The following EPS8 variants were observed in gnomAD, a reference collection of about 807,000 sequenced individuals.
EPS8 encodes the protein epidermal growth factor receptor kinase substrate 8.
EPS8 carries 42 observed loss-of-function variants against 103.8 expected under a neutral mutation model. That is an observed-to-expected ratio of 0.40 (90% CI 0.32 to 0.52). The LOEUF (loss-of-function observed/expected upper bound fraction) is 0.52, where lower values mean the gene tolerates loss of function less well. Among genes scored for constraint, EPS8 ranks in the 20% least tolerant of loss-of-function variants. EPS8 has a pLI of 0.40. For synonymous variants in EPS8, 344 were observed against 344.6 expected, an observed-to-expected ratio of 1.00 and a Z score of 0.02; for missense variants, 969 against 1,005.1, an observed-to-expected ratio of 0.96 and a Z score of 0.49.
rs367804223 is a variant in EPS8 at position 15,707,203 on chromosome 12, T to C, written c.-21-24231A>G. On this transcript the variant is annotated intron_variant, in intron 1 of 20. Transcript: ENST00000281172. ...TTTTCTTCATGGTATGTATTTCAGG[T>C]CAGGGGTTGACAAACTTTCGGTAAA... 6.8e-4 allele frequency among the ~76,000 whole-genome samples: 103 copies of C among 152,312 alleles called. 1 individual carries two copies. Among genetic ancestry groups the C allele is most frequent in the African/African-American group, 2.4e-3 (99 of 41,558 alleles).
intron 20 of EPS8, among the ~76,000 whole-genome samples, chr12:15,621,668 G>C (rs565898608): frequency 6.6e-6 from 1 of 152,266 alleles, no homozygotes; most frequent in Admixed American, 6.5e-5. Context: ...ATTTGAACAT[G>C]ATAAAGATAA....
chr12:15,698,091 T>C lies in EPS8; in HGVS notation c.-21-15119A>G, dbSNP rs888999035. On this transcript the variant is annotated intron_variant, in intron 1 of 20. Transcript: ENST00000281172. The surrounding 1 kb of genome is among the most constrained non-coding windows in gnomAD (Gnocchi z 4.9). ...ATATGTTTTACAAAGCATGGGGACATATGAATGATTATGAAAGAAATATGT... is the reference window on the plus strand; with the variant it reads ...ATATGTTTTACAAAGCATGGGGACACATGAATGATTATGAAAGAAATATGT... 7.9e-5 allele frequency among the ~76,000 whole-genome samples: 12 copies of C among 152,276 alleles called. No homozygotes were observed.
chr12:15,651,934 T>C (rs537148740), intron 13 of EPS8, among the ~76,000 whole-genome samples: 1 of 152,286 alleles, frequency 6.6e-6, no homozygotes, highest in African/African-American at 2.4e-5. Context: ...ATGTAGTTTT[T>C]TGAATGTTAA....
intron 1 of EPS8, among the ~76,000 whole-genome samples, chr12:15,750,251 T>A (rs1326141508): frequency 6.6e-6 from 1 of 152,174 alleles, no homozygotes; most frequent in African/African-American, 2.4e-5. Flanking sequence ...TTACACTACA[T>A]CCTATGGCAG....
chr12:15,744,883 TA>T (rs762562511), intron 1 of EPS8, among the ~76,000 whole-genome samples: 30 of 152,152 alleles, frequency 2.0e-4, no homozygotes, highest in South Asian at 1.7e-3. Context: ...TTATTACTAT[TA>T]TTTTTTTTTT....
At chr12:15,732,387 T>C (rs1946726427) in intron 1 of EPS8, among the ~76,000 whole-genome samples, 2 of 152,232 alleles carry the variant, frequency 1.3e-5, no homozygotes, top group South Asian at 4.1e-4. Context: ...ATAACAATAC[T>C]TACATTATTC....
chr12:15,725,128 G>T lies in EPS8; in HGVS notation c.-21-42156C>A, dbSNP rs1213858635. Among the ~76,000 whole-genome samples, 2 of 151,842 alleles carry T rather than the reference G, an allele frequency of 1.3e-5. No homozygotes were observed. Among genetic ancestry groups the T allele is most frequent in the African/African-American group, 4.8e-5 (2 of 41,298 alleles). On this transcript the variant is annotated intron_variant, in intron 1 of 20. Coordinates refer to ENST00000281172, the MANE Select transcript of EPS8 (RefSeq NM_004447.6). This position sits in a 1 kb window ranked among gnomAD's most constrained non-coding sequence, Gnocchi z 4.5. ...TAAATGTCATTCTGCATTCCAATAG[G>T]ATACCACCAGTCCACAGATCTGTGT...
chr12:15,736,421 G>A lies in EPS8; in HGVS notation c.-22+52740C>T, dbSNP rs1006021169. Among the ~76,000 whole-genome samples, 5 of 152,074 alleles carry A rather than the reference G, an allele frequency of 3.3e-5. No homozygotes were observed. The highest frequency in any genetic ancestry group is 6.5e-5 in the Admixed American group (1 of 15,268). On this transcript the variant is annotated intron_variant, in intron 1 of 20. Transcript: ENST00000281172. This position sits in a 1 kb window ranked among gnomAD's most constrained non-coding sequence, Gnocchi z 4.2. ...ATAATAAAAAATCACTTGCCTGGAG[G>A]CCACACATATATGACAACCTCAGCA...
rs2135977219 is a variant in EPS8 at position 15,721,257 on chromosome 12, T to C, written c.-21-38285A>G. On this transcript the variant is annotated intron_variant, in intron 1 of 20. Transcript: ENST00000281172. The surrounding 1 kb of genome is among the most constrained non-coding windows in gnomAD (Gnocchi z 4.4). ...TCACAATCTGTAGGAAACCCACCCATGTCTGTAATATACAGTCATATGCCA... is the reference window on the plus strand; with the variant it reads ...TCACAATCTGTAGGAAACCCACCCACGTCTGTAATATACAGTCATATGCCA... 6.6e-6 allele frequency among the ~76,000 whole-genome samples: 1 copy of C among 152,310 alleles called. No individual in the cohort carries two copies. Among genetic ancestry groups the C allele is most frequent in the Non-Finnish European group, 1.5e-5 (1 of 68,032 alleles).
At chr12:15,683,804 T>C (rs2135892968) in intron 1 of EPS8, 1 of 152,320 alleles carries the variant, frequency 6.6e-6, no homozygotes, top group East Asian at 1.9e-4. Flanking sequence ...CACTCCTGGA[T>C]ATTTGGTCCT....
chr12:15,687,538 G>A (rs1256301182), intron 1 of EPS8, among the ~76,000 whole-genome samples: 4 of 152,046 alleles, frequency 2.6e-5, no homozygotes, highest in African/African-American at 7.2e-5. Context: ...ACATAATTTT[G>A]GGAAAAGTCT....
intron 20 of EPS8, 90 bp from the exon 21 acceptor site, chr12:15,621,520 T>C (rs1441231596): frequency 2.9e-6 from 2 of 682,060 alleles, no homozygotes; most frequent in East Asian, 3.2e-5. Context: ...AATTCTACTG[T>C]GGTTTTCTTC....
At chr12:15,674,709 G>T (rs752487244) in intron 3 of EPS8, among the ~76,000 whole-genome samples, 9 of 152,078 alleles carry the variant, frequency 5.9e-5, no homozygotes, top group Non-Finnish European at 1.3e-4. Flanking sequence ...GAAAACTGCC[G>T]AACTGTCTTT....
At chr12:15,730,327 G>A (rs1179775166) in intron 1 of EPS8, among the ~76,000 whole-genome samples, 5 of 152,180 alleles carry the variant, frequency 3.3e-5, no homozygotes, top group South Asian at 2.1e-4. Context: ...TTAAGTGGCA[G>A]AGCCAGGTTT....
rs1242232013 is a variant in EPS8 at position 15,706,217 on chromosome 12, C to T, written c.-21-23245G>A. ...GGATCCCTGGCAAAGCTCCTGCCGG[C>T]CTGTGCACTGGGGTGGAGCCTGAGC... On this transcript the variant is annotated intron_variant, in intron 1 of 20. Coordinates refer to ENST00000281172, the MANE Select transcript of EPS8 (RefSeq NM_004447.6). This position sits in a 1 kb window ranked among gnomAD's most constrained non-coding sequence, Gnocchi z 5.2. 2.0e-5 allele frequency among the ~76,000 whole-genome samples: 3 copies of T among 152,174 alleles called. No individual in the cohort carries two copies. The highest frequency in any genetic ancestry group is 7.2e-5 in the African/African-American group (3 of 41,438).
At chr12:15,686,059 A>C (rs1302397599) in intron 1 of EPS8, among the ~76,000 whole-genome samples, 2 of 152,150 alleles carry the variant, frequency 1.3e-5, no homozygotes, top group African/African-American at 4.8e-5. Flanking sequence ...GAGGAGGGTG[A>C]ACTGCAGAGT....
chr12:15,657,444 GA>G (rs1178872273), intron 12 of EPS8, among the ~76,000 whole-genome samples: 1 of 152,122 alleles, frequency 6.6e-6, no homozygotes, highest in Non-Finnish European at 1.5e-5. Flanking sequence ...CATAGCACGT[GA>G]TTTTTAGACT....
At chr12:15,664,726 A>G (rs1241886230) in intron 8 of EPS8, among the ~76,000 whole-genome samples, 1 of 152,220 alleles carries the variant, frequency 6.6e-6, no homozygotes, top group African/African-American at 2.4e-5. Context: ...TTTACTGGAT[A>G]AAGAATAAGA....
rs1320433643 is a variant in EPS8 at position 15,716,736 on chromosome 12, C to A, written c.-21-33764G>T. ...TGTAACATAATCTGTAAGCTAAGAT[C>A]ATCAGATCCAAAATGATGTGAGGTC... On this transcript the variant is annotated intron_variant, in intron 1 of 20. Coordinates refer to ENST00000281172, the MANE Select transcript of EPS8 (RefSeq NM_004447.6). This position sits in a 1 kb window ranked among gnomAD's most constrained non-coding sequence, Gnocchi z 5.0. Among the ~76,000 whole-genome samples the A allele has an allele frequency of 6.6e-6, 1 of 152,106 alleles. No homozygotes were observed. Among genetic ancestry groups the A allele is most frequent in the African/African-American group, 2.4e-5 (1 of 41,412 alleles).
Sources: allele counts gnomAD v4.1 joint callset (sites outside exome capture counted in the v4.1 genomes callset), GRCh38; gene constraint gnomAD v4.1.1; non-coding constraint Gnocchi (gnomAD v3.1); transcripts MANE v1.5; gene names NCBI Gene and HGNC (gene_info 2026-07-23, HGNC 2026-07-21).